Variants in EYA2 observed in about 807,000 individuals in gnomAD.
EYA2 encodes the protein EYA transcriptional coactivator and phosphatase 2, also known as protein phosphatase EYA2.
In EYA2, 31 loss-of-function variants were observed where a neutral mutation model predicts 69.2. The ratio of observed to expected loss-of-function variants is 0.45; its 90% CI spans 0.34 to 0.60. EYA2 has a LOEUF of 0.60. EYA2 is among the 20% of genes least tolerant of loss of function. The pLI is 0.02. For missense variants in EYA2, 622 were observed against 701.2 expected (o/e 0.89, Z 1.28); for synonymous variants, 257 against 279.4 (o/e 0.92, Z 0.80).
At chr20:47,153,564 G>A (rs1234931482) in intron 10 of EYA2, among the ~76,000 whole-genome samples, 1 of 151,860 alleles carries the variant, frequency 6.6e-6, no homozygotes, top group Admixed American at 6.6e-5. Flanking sequence ...CTGAGGTAGA[G>A]GATCAATTGA....
intron 6 of EYA2, among the ~76,000 whole-genome samples, chr20:47,073,584 T>C (rs953197076): frequency 6.6e-6 from 1 of 152,076 alleles, no homozygotes. Flanking sequence ...TACCAGGCAC[T>C]GTTTCAGGTG....
At chr20:47,012,277 A>G (rs372892242) in intron 4 of EYA2, among the ~76,000 whole-genome samples, 16 of 152,302 alleles carry the variant, frequency 1.1e-4, no homozygotes, top group African/African-American at 3.8e-4. Flanking sequence ...CTGTGAAGAT[A>G]CTTATCAGAG....
rs1233864805 is a variant in EYA2 at position 46,957,565 on chromosome 20, AC to A, written c.-10-32435del. Among the ~76,000 whole-genome samples the A allele has an allele frequency of 8.5e-4, 128 of 150,946 alleles. 1 individual carries two copies. Among genetic ancestry groups the A allele is most frequent in the Middle Eastern group, 3.4e-3 (1 of 290 alleles). On this transcript the variant is annotated intron_variant, in intron 1 of 15. Transcript: ENST00000327619. ...CACACACACACACACACACACACAC[AC>A]ACACACACACACGAAGACAATGTGA...
Position 47,188,330 on chromosome 20 carries a change from T to C in EYA2, c.*197T>C. 1 of 612,846 alleles carries C rather than the reference T, an allele frequency of 1.6e-6. No individual in the cohort carries two copies. Among genetic ancestry groups the C allele is most frequent in the Non-Finnish European group, 2.9e-6 (1 of 343,366 alleles). The allele number at this position is 612,846 out of a possible 1,614,324, so 38.0% of individuals were successfully genotyped here. On this transcript the variant is annotated 3_prime_UTR_variant, in exon 16 of 16. Transcript: ENST00000327619. ...TTCTGAGAAGGAAAGTACCCAACAT[T>C]GGCTTCGGAGTATTTGACTTTGGGG...
At chr20:47,082,221 A>T (rs775632657) in intron 7 of EYA2, among the ~76,000 whole-genome samples, 3 of 152,198 alleles carry the variant, frequency 2.0e-5, no homozygotes, top group Non-Finnish European at 4.4e-5. Flanking sequence ...TAACCCAGAC[A>T]GTTAAATATA....
intron 5 of EYA2, among the ~76,000 whole-genome samples, chr20:47,017,101 T>C (rs1983457737): frequency 6.6e-6 from 1 of 152,172 alleles, no homozygotes; most frequent in Non-Finnish European, 1.5e-5. Flanking sequence ...CTTACTGGGT[T>C]CTCCCATGCT....
intron 9 of EYA2, among the ~76,000 whole-genome samples, chr20:47,126,275 C>T (rs371719826): frequency 2.6e-5 from 4 of 152,188 alleles, no homozygotes; most frequent in African/African-American, 7.2e-5. Context: ...AACCAGGCCC[C>T]GGAGAAGCGA....
intron 10 of EYA2, among the ~76,000 whole-genome samples, chr20:47,158,563 C>T (rs567047401): frequency 6.6e-6 from 1 of 151,784 alleles, no homozygotes; most frequent in South Asian, 2.1e-4. Context: ...TTACCTGAGC[C>T]CAGGAACGAT....
intron 10 of EYA2, among the ~76,000 whole-genome samples, chr20:47,168,185 G>T (rs1185165761): frequency 2.2e-5 from 2 of 92,734 alleles, no homozygotes; most frequent in South Asian, 3.2e-4. Flanking sequence ...GTAGTCTTTT[G>T]TTTTTTTGTT....
chr20:47,133,500 G>A (rs956725090), intron 9 of EYA2, among the ~76,000 whole-genome samples: 2 of 152,138 alleles, frequency 1.3e-5, no homozygotes, highest in African/African-American at 2.4e-5. Flanking sequence ...TTTGCTAACC[G>A]GTTGTTTTTT....
chr20:46,907,653 A>G (rs538428421), intron 1 of EYA2, among the ~76,000 whole-genome samples: 1 of 152,342 alleles, frequency 6.6e-6, no homozygotes, highest in South Asian at 2.1e-4. Context: ...AGCCTGGCCA[A>G]CATGGTGAAA....
At chr20:47,158,797 C>T (rs1434988159) in intron 10 of EYA2, among the ~76,000 whole-genome samples, 1 of 151,688 alleles carries the variant, frequency 6.6e-6, no homozygotes, top group Non-Finnish European at 1.5e-5. Flanking sequence ...GAAAAGAGTT[C>T]CCAATGGCCA....
At chr20:47,117,478 T>C (rs567831025) in intron 9 of EYA2, 2 of 985,338 alleles carry the variant, frequency 2.0e-6, no homozygotes, top group Admixed American at 6.1e-5. Flanking sequence ...CTCTGCCCTC[T>C]CCGTTCCACC....
At chr20:46,982,238 T>C (rs1980879662) in intron 1 of EYA2, among the ~76,000 whole-genome samples, 1 of 152,232 alleles carries the variant, frequency 6.6e-6, no homozygotes, top group Non-Finnish European at 1.5e-5. Flanking sequence ...AAGTATTTTT[T>C]TGCTGGCATA....
At chr20:47,174,771 ACGGAGGTTAAGTAACC>A (rs2034395864) in intron 12 of EYA2, among the ~76,000 whole-genome samples, 1 of 152,212 alleles carries the variant, frequency 6.6e-6, no homozygotes, top group Non-Finnish European at 1.5e-5. Flanking sequence ...AACTGAGATG[ACGGAGGTTAAGTAACC>A]TGCCCAGCGT....
At chr20:47,106,159 C>T (rs1469785617) in intron 9 of EYA2, among the ~76,000 whole-genome samples, 4 of 152,116 alleles carry the variant, frequency 2.6e-5, no homozygotes, top group African/African-American at 9.7e-5. Flanking sequence ...AGTCAAAATA[C>T]AGAAAAATGT....
chr20:47,146,828 C>A (rs1389858535), intron 10 of EYA2, among the ~76,000 whole-genome samples: 1 of 152,200 alleles, frequency 6.6e-6, no homozygotes, highest in African/African-American at 2.4e-5. Flanking sequence ...ATTTGCCAGG[C>A]CCTAATGGAA....
chr20:47,104,601 T>C (rs904812439), intron 9 of EYA2, among the ~76,000 whole-genome samples: 1 of 152,204 alleles, frequency 6.6e-6, no homozygotes, highest in Non-Finnish European at 1.5e-5. Flanking sequence ...TTGAGTTAAT[T>C]TGTGTGTATG....
intron 1 of EYA2, among the ~76,000 whole-genome samples, chr20:46,935,746 A>G (rs939756217): frequency 2.0e-5 from 3 of 152,196 alleles, no homozygotes; most frequent in Non-Finnish European, 2.9e-5. Context: ...TAAACTCTCA[A>G]TAAATGTCAA....
Sources: gnomAD v4.1 joint callset for allele counts (sites outside exome capture counted in the v4.1 genomes callset) on GRCh38, gnomAD v4.1.1 for gene constraint, MANE v1.5 for transcripts, NCBI Gene and HGNC (gene_info 2026-07-23, HGNC 2026-07-21) for gene names.